Variants in COL25A1 observed in about 807,000 individuals in gnomAD.
COL25A1 encodes the protein collagen type XXV alpha 1 chain, also known as collagen alpha-1(XXV) chain.
In COL25A1, 103 loss-of-function variants were observed where a neutral mutation model predicts 128.4. That is an observed-to-expected ratio of 0.80 (90% CI 0.68 to 0.94). COL25A1 has a LOEUF of 0.94. COL25A1 is among the 40% of genes least tolerant of loss of function. The pLI, the probability that COL25A1 is intolerant of heterozygous loss-of-function variation, is 0.00. For synonymous variants in COL25A1, 279 were observed against 277.2 expected (o/e 1.01, Z -0.06); for missense variants, 745 against 840.0 (o/e 0.89, Z 1.40).
chr4:109,261,460 G>A (rs902265739), intron 3 of COL25A1, among the ~76,000 whole-genome samples: 4 of 152,126 alleles, frequency 2.6e-5, no homozygotes, highest in African/African-American at 9.7e-5. Flanking sequence ...GTCAGGGAGC[G>A]GAGGTTGCAA....
chr4:109,227,995 C>T (rs997543443), intron 3 of COL25A1, among the ~76,000 whole-genome samples: 1 of 152,178 alleles, frequency 6.6e-6, no homozygotes, highest in Admixed American at 6.5e-5. Flanking sequence ...GGACCTGGGG[C>T]ACCACTGGTA....
At chr4:109,139,296 T>C (rs1451988366) in intron 3 of COL25A1, among the ~76,000 whole-genome samples, 2 of 152,210 alleles carry the variant, frequency 1.3e-5, no homozygotes, top group Non-Finnish European at 1.5e-5. Flanking sequence ...ACTCTGATGA[T>C]AGCTTCTTTT....
intron 3 of COL25A1, among the ~76,000 whole-genome samples, chr4:109,105,348 C>T (rs1272278305): frequency 1.3e-5 from 2 of 152,190 alleles, no homozygotes; most frequent in Admixed American, 6.5e-5. Flanking sequence ...GTGGTGCACA[C>T]TTGTAATCCC....
At chr4:109,095,810 T>A (rs1765345303) in intron 3 of COL25A1, among the ~76,000 whole-genome samples, 1 of 152,194 alleles carries the variant, frequency 6.6e-6, no homozygotes. Flanking sequence ...GGCACTTATA[T>A]GGAAAAGTGA....
chr4:108,844,452 G>A (rs1734837206), intron 30 of COL25A1, 67 bp downstream of exon 30: 2 of 1,613,436 alleles, frequency 1.2e-6, no homozygotes, highest in Admixed American at 1.7e-5. Context: ...AGAGGGATGT[G>A]TTCATGTTCT....
At chr4:109,142,362 G>A (rs1770494489) in intron 3 of COL25A1, among the ~76,000 whole-genome samples, 1 of 152,286 alleles carries the variant, frequency 6.6e-6, no homozygotes, top group East Asian at 1.9e-4. Context: ...TAGAATAAGT[G>A]CGATGTAGTG....
intron 12 of COL25A1, among the ~76,000 whole-genome samples, chr4:108,919,130 G>T (rs1745199465): frequency 6.6e-6 from 1 of 151,976 alleles, no homozygotes; most frequent in African/African-American, 2.4e-5. Flanking sequence ...ATGGGGAAAA[G>T]ATTTTTTAAA....
intron 3 of COL25A1, among the ~76,000 whole-genome samples, chr4:109,252,282 A>G (rs1476133650): frequency 7.9e-5 from 12 of 152,210 alleles, no homozygotes; most frequent in Non-Finnish European, 1.5e-5. Context: ...GAATGGCGCC[A>G]TATCAGGGAC....
chr4:108,897,845 G>T (rs1273431225), intron 15 of COL25A1, among the ~76,000 whole-genome samples: 1 of 152,124 alleles, frequency 6.6e-6, no homozygotes, highest in Non-Finnish European at 1.5e-5. Context: ...TTTCAAATAA[G>T]CATGAAGTTA....
At chr4:109,026,832 G>A (rs1256977765) in intron 5 of COL25A1, among the ~76,000 whole-genome samples, 1 of 152,198 alleles carries the variant, frequency 6.6e-6, no homozygotes, top group Non-Finnish European at 1.5e-5. Flanking sequence ...GAACACAAAA[G>A]GAAGTGGAGT....
At chr4:108,877,648 A>C (rs541812136) in intron 19 of COL25A1, among the ~76,000 whole-genome samples, 12 of 152,156 alleles carry the variant, frequency 7.9e-5, no homozygotes, top group Non-Finnish European at 1.8e-4. Context: ...TGGCCAAAAA[A>C]CAAAAAACTA....
intron 6 of COL25A1, among the ~76,000 whole-genome samples, chr4:108,985,793 C>T (rs1406433997): frequency 6.6e-6 from 1 of 152,142 alleles, no homozygotes; most frequent in Admixed American, 6.5e-5. Flanking sequence ...AATATATACC[C>T]TTAAGGCTAT....
At chr4:109,233,081 T>G (rs1779257367) in intron 3 of COL25A1, among the ~76,000 whole-genome samples, 1 of 152,182 alleles carries the variant, frequency 6.6e-6, no homozygotes, top group Non-Finnish European at 1.5e-5. Context: ...CTTCTTTCCT[T>G]CCTTCCAAAT....
chr4:109,107,643 T>C (rs1216098794), intron 3 of COL25A1, among the ~76,000 whole-genome samples: 1 of 152,170 alleles, frequency 6.6e-6, no homozygotes, highest in African/African-American at 2.4e-5. Flanking sequence ...TCATGTGATT[T>C]TACATAAAAT....
intron 13 of COL25A1, among the ~76,000 whole-genome samples, chr4:108,903,282 A>G (rs1230695808): frequency 1.3e-5 from 2 of 151,968 alleles, no homozygotes; most frequent in Non-Finnish European, 2.9e-5. Flanking sequence ...ATCACTCTAT[A>G]ATAATTGTTT....
intron 3 of COL25A1, among the ~76,000 whole-genome samples, chr4:109,206,908 C>T (rs1360422900): frequency 6.6e-6 from 1 of 152,194 alleles, no homozygotes; most frequent in East Asian, 1.9e-4. Context: ...GTCAGCTGAG[C>T]TTGGCCTCCA....
intron 6 of COL25A1, among the ~76,000 whole-genome samples, chr4:109,009,644 T>C (rs1391041544): frequency 1.3e-5 from 2 of 152,220 alleles, no homozygotes; most frequent in East Asian, 3.9e-4. Context: ...TTATAGGCAC[T>C]ACAGTATTAA....
chr4:109,000,658 A>G (rs1561001842), intron 6 of COL25A1, among the ~76,000 whole-genome samples: 1 of 146,534 alleles, frequency 6.8e-6, no homozygotes, highest in South Asian at 2.3e-4. Flanking sequence ...AGGCAGGAGA[A>G]TAATTTTAAC....
At chr4:109,230,219 T>C (rs1779071072) in intron 3 of COL25A1, among the ~76,000 whole-genome samples, 1 of 152,130 alleles carries the variant, frequency 6.6e-6, no homozygotes, top group Admixed American at 6.6e-5. Flanking sequence ...AAGTAAATTT[T>C]TGCAAGTAGG....
Sources: allele counts gnomAD v4.1 joint callset (sites outside exome capture counted in the v4.1 genomes callset), GRCh38; gene constraint gnomAD v4.1.1; transcripts MANE v1.5; gene names NCBI Gene and HGNC (gene_info 2026-07-23, HGNC 2026-07-21).